The following DBF4 variants were observed in gnomAD, a reference collection of about 807,000 sequenced individuals.
DBF4 encodes the protein protein DBF4 homolog A.
DBF4 carries 25 observed loss-of-function variants against 76.6 expected under a neutral mutation model. The ratio of observed to expected loss-of-function variants is 0.33; its 90% CI spans 0.24 to 0.46. The LOEUF (loss-of-function observed/expected upper bound fraction) is 0.46. DBF4 is among the 20% of genes least tolerant of loss of function. The pLI is 1.00. For synonymous variants in DBF4, 213 were observed against 258.0 expected, an observed-to-expected ratio of 0.83 and a Z score of 1.67; for missense variants, 638 against 760.8, an observed-to-expected ratio of 0.84 and a Z score of 1.90.
At chr7:87,888,359 C>T (rs543362924) in intron 6 of DBF4, 12 of 961,378 alleles carry the variant, frequency 1.2e-5, no homozygotes, top group South Asian at 4.8e-5. Context: ...GTTGTATAAA[C>T]GTTCCTAATG....
chr7:87,891,565 AAGAGTTGTTTCTAATACTCCCTT>A, intron 6 of DBF4, among the ~76,000 whole-genome samples: 1 of 152,288 alleles, frequency 6.6e-6, no homozygotes, highest in Middle Eastern at 3.4e-3. Context: ...TTGATGGGCA[AAGAGTTGTTTCTAATACTCCCTT>A]ATTAACTTTG....
At chr7:87,881,408 A>G (rs967426843) in intron 2 of DBF4, among the ~76,000 whole-genome samples, 11 of 152,362 alleles carry the variant, frequency 7.2e-5, no homozygotes, top group African/African-American at 2.6e-4. Context: ...CTGTGTCTCA[A>G]AAGAAAAATA....
rs539632206 is a variant in DBF4 at position 87,886,559 on chromosome 7, G to A, written c.400-285G>A. On this transcript the variant is annotated intron_variant, in intron 3 of 11. Transcript: ENST00000265728. The stretch of plus-strand genomic sequence containing the variant: ...CCAAAAAAAAAAAAAAAAAAAAAAA[G>A]GTGAAATAACATGTGAAAACAGTAT... Among the ~76,000 whole-genome samples, 222 of 120,182 alleles carry A rather than the reference G, an allele frequency of 1.8e-3. 1 individual carries two copies. Among genetic ancestry groups the A allele is most frequent in the Admixed American group, 5.7e-3 (70 of 12,378 alleles). The allele number at this position is 120,182 out of a possible 152,430, so 78.8% of individuals were successfully genotyped here. A position where few individuals can be genotyped will look rare whatever the true frequency, so the allele number is the denominator to read the frequency against.
At chr7:87,880,649 T>G (rs77012126) in intron 2 of DBF4, among the ~76,000 whole-genome samples, 4,107 of 152,280 alleles carry the variant, frequency 0.027, 120 homozygotes, top group East Asian at 0.094. Context: ...CCTTTTTAAT[T>G]CACCATTTCA....
chr7:87,879,796 T>C (rs1011569587), intron 2 of DBF4, among the ~76,000 whole-genome samples: 1 of 151,742 alleles, frequency 6.6e-6, no homozygotes, highest in Admixed American at 6.6e-5. Flanking sequence ...TACTGAAAAA[T>C]ACAAAAATTA....
intron 1 of DBF4, among the ~76,000 whole-genome samples, chr7:87,877,203 T>C (rs1839083799): frequency 6.6e-6 from 1 of 152,238 alleles, no homozygotes; most frequent in Non-Finnish European, 1.5e-5. Flanking sequence ...TGAGTGATTG[T>C]GGGTGGATTT....
In DBF4 at chr7:87,876,785, A is replaced by G. The variant is rs780031441; in HGVS notation, c.46+7A>G. 19 of 1,613,928 alleles carry G rather than the reference A, an allele frequency of 1.2e-5. No individual in the cohort carries two copies. Among genetic ancestry groups the G allele is most frequent in the South Asian group, 2.2e-5 (2 of 91,084 alleles). ...AGTAAAGGACATTTCCAGGGTAAGA[A>G]GCCCCTCCTCCGCCTGCAGTCCCTT... is the stretch of plus-strand genomic sequence containing the variant. On this transcript the variant is annotated splice_region_variant and intron_variant, in intron 1 of 11. Coordinates refer to ENST00000265728, the MANE Select transcript of DBF4 (RefSeq NM_006716.4).
chr7:87,876,575 C>T lies in DBF4; in HGVS notation c.-158C>T, dbSNP rs1839042065. On this transcript the variant is annotated 5_prime_UTR_variant, in exon 1 of 12. Coordinates refer to ENST00000265728, the MANE Select transcript of DBF4 (RefSeq NM_006716.4). ...TTGGAGCCGGATCCGGCCCCGGAAACCCGACCTGCAGACGCGGTACCTCTA... is the reference window on the plus strand; with the variant it reads ...TTGGAGCCGGATCCGGCCCCGGAAATCCGACCTGCAGACGCGGTACCTCTA... The T allele has an allele frequency of 5.2e-6, 4 of 764,728 alleles. No individual in the cohort carries two copies. Among genetic ancestry groups the T allele is most frequent in the Non-Finnish European group, 8.6e-6 (4 of 467,276 alleles). 47.4% of individuals were successfully genotyped at this position (764,728 alleles called of 1,614,324 possible). A position where few individuals can be genotyped will look rare whatever the true frequency, so the allele number is the denominator to read the frequency against.
intron 10 of DBF4, among the ~76,000 whole-genome samples, chr7:87,901,495 A>G (rs940658633): frequency 9.8e-5 from 15 of 152,360 alleles, no homozygotes; most frequent in Non-Finnish European, 1.8e-4. Flanking sequence ...TGGATGTTGC[A>G]AGTGAGGGAA....
intron 2 of DBF4, among the ~76,000 whole-genome samples, chr7:87,882,002 T>TG (rs2131042375): frequency 6.6e-6 from 1 of 152,222 alleles, no homozygotes; most frequent in Non-Finnish European, 1.5e-5. Context: ...AGGATATAGG[T>TG]GGGGGAAGTG....
At position 87,876,564 on chromosome 7, in the gene DBF4, G is replaced by T; in HGVS notation, c.-169G>T. On this transcript the variant is annotated 5_prime_UTR_variant, in exon 1 of 12. Coordinates refer to ENST00000265728, the MANE Select transcript of DBF4 (RefSeq NM_006716.4). The stretch of plus-strand genomic sequence containing the variant: ...TCCTCCGCGCCTTGGAGCCGGATCC[G>T]GCCCCGGAAACCCGACCTGCAGACG... The T allele has an allele frequency of 1.5e-6, 1 of 678,122 alleles. No homozygotes were observed. Among genetic ancestry groups the T allele is most frequent in the South Asian group, 1.7e-5 (1 of 57,640 alleles). The allele number at this position is 678,122 out of a possible 1,614,324, so 42.0% of individuals were successfully genotyped here.
Position 87,896,464 on chromosome 7 carries a change from T to A in DBF4, c.598-10T>A, listed in dbSNP as rs200811402. 9.5e-4 allele frequency: 1,526 copies of A among 1,607,120 alleles called. 2 individuals carry two copies. The highest frequency in any genetic ancestry group is 1.2e-3 in the Non-Finnish European group (1,369 of 1,175,866). On this transcript the variant is annotated splice_polypyrimidine_tract_variant and intron_variant, in intron 6 of 11. Transcript: ENST00000265728. The stretch of plus-strand genomic sequence containing the variant: ...CAAAGCCAATCTTTTCACTATATAT[T>A]TTTTTTTAGGGCAAAAGAGTTGGTA...
intron 6 of DBF4, among the ~76,000 whole-genome samples, chr7:87,891,333 A>G (rs560650760): frequency 2.5e-4 from 38 of 151,820 alleles, no homozygotes; most frequent in African/African-American, 8.2e-4. Context: ...TCCTGTTTCT[A>G]TTTTCCAGAG....
At chr7:87,881,776 T>G (rs1333450600) in intron 2 of DBF4, among the ~76,000 whole-genome samples, 1 of 152,248 alleles carries the variant, frequency 6.6e-6, no homozygotes, top group Non-Finnish European at 1.5e-5. Flanking sequence ...GTGTTGTCAA[T>G]GCTTTGACAG....
At chr7:87,894,491 G>A (rs1839580371) in intron 6 of DBF4, among the ~76,000 whole-genome samples, 1 of 152,156 alleles carries the variant, frequency 6.6e-6, no homozygotes, top group South Asian at 2.1e-4. Context: ...TAAAGAAAGC[G>A]ACAGGAGGAA....
At chr7:87,904,895 C>T (rs1584374609) in intron 11 of DBF4, among the ~76,000 whole-genome samples, 1 of 152,164 alleles carries the variant, frequency 6.6e-6, no homozygotes, top group East Asian at 1.9e-4. Flanking sequence ...TTACCTTAGA[C>T]TACTTTTAGT....
chr7:87,888,922 T>G (rs1050711749), intron 6 of DBF4, among the ~76,000 whole-genome samples: 4 of 152,230 alleles, frequency 2.6e-5, no homozygotes, highest in African/African-American at 4.8e-5. Flanking sequence ...TACTTTTCCT[T>G]TGTTCAATAT....
Position 87,879,850 on chromosome 7 carries a change from G to A in DBF4, c.219+1625G>A, listed in dbSNP as rs1839166990. ...TGCCTGTAGTCCCAGCTATTCGGGA[G>A]GCCGAGGCATGAGCATCACTTGAAC... On this transcript the variant is annotated intron_variant, in intron 2 of 11. Coordinates refer to ENST00000265728, the MANE Select transcript of DBF4 (RefSeq NM_006716.4). Among the ~76,000 whole-genome samples, 4 of 152,136 alleles carry A rather than the reference G, an allele frequency of 2.6e-5. No homozygotes were observed. The South Asian group carries it at 8.3e-4, about 32-fold the overall frequency.
rs563277771 is a variant in DBF4 at position 87,903,331 on chromosome 7, G to C, written c.925-961G>C. On this transcript the variant is annotated intron_variant, in intron 10 of 11. Transcript: ENST00000265728. ...TGACCTCAGGTGATCCGCCCTCCTTGGCTCCCCAAAGTGCTAGGACTACAG... is the reference window on the plus strand; with the variant it reads ...TGACCTCAGGTGATCCGCCCTCCTTCGCTCCCCAAAGTGCTAGGACTACAG... Among the ~76,000 whole-genome samples, 130 of 152,296 alleles carry C rather than the reference G, an allele frequency of 8.5e-4. 1 individual carries two copies. The highest frequency in any genetic ancestry group is 3.4e-3 in the Middle Eastern group (1 of 294).
Sources: gnomAD v4.1 joint callset for allele counts (sites outside exome capture counted in the v4.1 genomes callset) on GRCh38, gnomAD v4.1.1 for gene constraint, MANE v1.5 for transcripts, NCBI Gene and HGNC (gene_info 2026-07-23, HGNC 2026-07-21) for gene names.